The following PRKG1 variants were observed in gnomAD, a reference collection of about 807,000 sequenced individuals.
The protein encoded by PRKG1 is protein kinase cGMP-dependent 1, also known as cGMP-dependent protein kinase 1.
A neutral mutation model predicts 88.1 loss-of-function variants in PRKG1; 35 were observed. The observed-to-expected ratio is 0.40, with a 90% CI of 0.30 to 0.53. The LOEUF is 0.53. PRKG1 is among the 20% of genes least tolerant of loss of function. PRKG1 has a pLI of 0.59. For missense variants in PRKG1, 540 were observed against 839.8 expected (o/e 0.64, Z 4.41); for synonymous variants, 303 against 292.5 (o/e 1.04, Z -0.37).
chr10:52,126,145 G>A (rs543023386), intron 7 of PRKG1, among the ~76,000 whole-genome samples: 1 of 152,062 alleles, frequency 6.6e-6, no homozygotes, highest in Non-Finnish European at 1.5e-5. Flanking sequence ...TAGGGTAACT[G>A]AGTGAAACTG....
intron 4 of PRKG1, among the ~76,000 whole-genome samples, chr10:51,878,592 T>A (rs997792857): frequency 6.6e-6 from 1 of 152,172 alleles, no homozygotes; most frequent in African/African-American, 2.4e-5. Context: ...TATGTAATCA[T>A]CTTTCTAAGA....
At chr10:51,456,988 G>T (rs985371537) in intron 2 of PRKG1, among the ~76,000 whole-genome samples, 5 of 152,156 alleles carry the variant, frequency 3.3e-5, no homozygotes, top group Non-Finnish European at 5.9e-5. Context: ...ACTGCTAGCA[G>T]GAATATAAAC....
chr10:51,739,698 C>T (rs531275977), intron 3 of PRKG1, among the ~76,000 whole-genome samples: 6 of 152,084 alleles, frequency 3.9e-5, no homozygotes, highest in South Asian at 2.1e-4. Flanking sequence ...CTAGGCCAGG[C>T]GTGGTGGCTC....
intron 3 of PRKG1, among the ~76,000 whole-genome samples, chr10:51,681,468 C>G (rs1171359607): frequency 6.6e-6 from 1 of 151,416 alleles, no homozygotes; most frequent in Non-Finnish European, 1.5e-5. Context: ...CTTATAGAAC[C>G]CAAAAAGTAT....
At chr10:52,129,249 AT>A (rs1490938310) in intron 7 of PRKG1, among the ~76,000 whole-genome samples, 11 of 152,284 alleles carry the variant, frequency 7.2e-5, no homozygotes, top group African/African-American at 2.4e-4. Context: ...AATAACCCAG[AT>A]TTATTAAGAC....
chr10:51,319,318 G>A (rs765441146), intron 2 of PRKG1, among the ~76,000 whole-genome samples: 4 of 152,174 alleles, frequency 2.6e-5, no homozygotes, highest in Non-Finnish European at 5.9e-5. Flanking sequence ...GTACAGATAA[G>A]TGAAACAACA....
intron 4 of PRKG1, among the ~76,000 whole-genome samples, chr10:51,862,668 C>A (rs1253537185): frequency 6.6e-6 from 1 of 152,152 alleles, no homozygotes; most frequent in Non-Finnish European, 1.5e-5. Context: ...CCTGGTCATA[C>A]TCTACTCAGA....
At chr10:51,791,615 G>T (rs771829949) in intron 3 of PRKG1, among the ~76,000 whole-genome samples, 2 of 151,986 alleles carry the variant, frequency 1.3e-5, no homozygotes, top group Non-Finnish European at 2.9e-5. Flanking sequence ...ATATGGTACC[G>T]ATATAACTCA....
chr10:52,045,167 TA>T (rs967123133), intron 5 of PRKG1, among the ~76,000 whole-genome samples: 3 of 152,112 alleles, frequency 2.0e-5, no homozygotes, highest in African/African-American at 7.2e-5. Flanking sequence ...AGGCAAATTT[TA>T]ATTATGTGTC....
intron 5 of PRKG1, among the ~76,000 whole-genome samples, chr10:52,025,137 A>C (rs1202538391): frequency 6.6e-6 from 1 of 152,154 alleles, no homozygotes; most frequent in African/African-American, 2.4e-5. Flanking sequence ...TCTTTTGAGA[A>C]GTGTCCATTC....
At chr10:52,057,791 T>C (rs1240545976) in intron 6 of PRKG1, among the ~76,000 whole-genome samples, 2 of 152,104 alleles carry the variant, frequency 1.3e-5, no homozygotes, top group Non-Finnish European at 2.9e-5. Flanking sequence ...TGTTCAGTGT[T>C]TTTTAATATA....
intron 3 of PRKG1, among the ~76,000 whole-genome samples, chr10:51,512,416 T>C (rs1035402792): frequency 3.5e-5 from 5 of 141,070 alleles, no homozygotes; most frequent in African/African-American, 1.3e-4. Flanking sequence ...CATTGTTCAA[T>C]TTCCACCTAT....
chr10:51,937,491 G>A (rs190479485), intron 5 of PRKG1, among the ~76,000 whole-genome samples: 401 of 152,082 alleles, frequency 2.6e-3, no homozygotes, highest in Non-Finnish European at 4.7e-3. Context: ...TAAGAACTAA[G>A]TCTTTGGTTA....
intron 3 of PRKG1, among the ~76,000 whole-genome samples, chr10:51,526,261 T>C (rs547204525): frequency 2.0e-5 from 3 of 152,328 alleles, no homozygotes; most frequent in East Asian, 1.9e-4. Context: ...ATTTGTTAGA[T>C]GTTGAATGAT....
intron 2 of PRKG1, among the ~76,000 whole-genome samples, chr10:51,416,968 T>C (rs1010722569): frequency 1.3e-5 from 2 of 152,202 alleles, no homozygotes; most frequent in Non-Finnish European, 2.9e-5. Flanking sequence ...GGAAAAAAAC[T>C]AGTAAACGTG....
At chr10:51,576,417 A>G (rs10998276) in intron 3 of PRKG1, among the ~76,000 whole-genome samples, 48,919 of 151,878 alleles carry the variant, frequency 0.32, 9,066 homozygotes, top group Non-Finnish European at 0.43. Flanking sequence ...ATATACATAC[A>G]TAATATTATA....
At chr10:51,444,317 G>A (rs1839208164) in intron 2 of PRKG1, among the ~76,000 whole-genome samples, 1 of 151,776 alleles carries the variant, frequency 6.6e-6, no homozygotes, top group Non-Finnish European at 1.5e-5. Flanking sequence ...CAGTGTTTGT[G>A]TGTTGGAGGT....
chr10:51,420,282 C>T (rs1838372618), intron 2 of PRKG1, among the ~76,000 whole-genome samples: 1 of 152,130 alleles, frequency 6.6e-6, no homozygotes, highest in African/African-American at 2.4e-5. Flanking sequence ...AGACCTCCTT[C>T]TCTTGAGCAG....
At chr10:51,165,223 A>T (rs1044969288) in intron 2 of PRKG1, among the ~76,000 whole-genome samples, 2 of 152,230 alleles carry the variant, frequency 1.3e-5, no homozygotes, top group East Asian at 1.9e-4. Flanking sequence ...TACAAGCCAG[A>T]AGAGAGTGGG....
Sources: gnomAD v4.1 joint callset for allele counts (sites outside exome capture counted in the v4.1 genomes callset) on GRCh38, gnomAD v4.1.1 for gene constraint, MANE v1.5 for transcripts, NCBI Gene and HGNC (gene_info 2026-07-23, HGNC 2026-07-21) for gene names.